Variants in SDK1 observed in about 807,000 individuals in gnomAD.
SDK1 encodes sidekick cell adhesion molecule 1.
In SDK1, 157 loss-of-function variants were observed where a neutral mutation model predicts 245.5. That is an observed-to-expected ratio of 0.64 (90% confidence interval 0.56 to 0.73). SDK1 has a LOEUF of 0.73. SDK1 is among the 30% of genes least tolerant of loss of function. SDK1 has a pLI of 0.00. For missense variants in SDK1, 3,583 were observed against 3,002.3 expected (o/e 1.19, Z -4.52); for synonymous variants, 1,647 against 1,278.5 (o/e 1.29, Z -6.15).
At chr7:3,331,235 G>T (rs1780061320) in intron 1 of SDK1, among the ~76,000 whole-genome samples, 2 of 152,156 alleles carry the variant, frequency 1.3e-5, no homozygotes, top group Admixed American at 6.5e-5. Flanking sequence ...CTGCACTCCA[G>T]TCTGGCAACA....
intron 42 of SDK1, among the ~76,000 whole-genome samples, chr7:4,240,118 T>A (rs1786427098): frequency 6.6e-6 from 1 of 152,232 alleles, no homozygotes; most frequent in South Asian, 2.1e-4. Flanking sequence ...ATGAATGGCG[T>A]GTCATTTTCC....
chr7:4,072,790 G>A (rs954720698), intron 20 of SDK1, among the ~76,000 whole-genome samples: 1 of 152,184 alleles, frequency 6.6e-6, no homozygotes, highest in Admixed American at 6.5e-5. Flanking sequence ...ACGGGCCAGA[G>A]GCGCTGTTGG....
chr7:3,845,615 A>C (rs1044269123), intron 5 of SDK1, among the ~76,000 whole-genome samples: 3 of 151,866 alleles, frequency 2.0e-5, no homozygotes, highest in Admixed American at 2.0e-4. Context: ...GTGCCCTAAA[A>C]GCCACTCTTG....
chr7:3,969,496 G>A, intron 11 of SDK1, 72 bp downstream of exon 11: 1 of 1,242,668 alleles, frequency 8.0e-7, no homozygotes, highest in Non-Finnish European at 1.1e-6. Context: ...TGTGCTTTGG[G>A]GATGTCAGCA....
chr7:3,759,800 C>T (rs1301694798), intron 4 of SDK1, among the ~76,000 whole-genome samples: 2 of 151,942 alleles, frequency 1.3e-5, no homozygotes, highest in East Asian at 1.9e-4. Flanking sequence ...ACCATGTTGG[C>T]CAGGCTGGTC....
chr7:3,981,509 C>T (rs556597624), intron 13 of SDK1, among the ~76,000 whole-genome samples: 32 of 152,256 alleles, frequency 2.1e-4, no homozygotes, highest in African/African-American at 7.5e-4. Flanking sequence ...AAAGCCAAGA[C>T]AAGACAAAAG....
intron 4 of SDK1, among the ~76,000 whole-genome samples, chr7:3,752,214 T>A (rs1779795123): frequency 6.6e-6 from 1 of 152,230 alleles, no homozygotes. Flanking sequence ...TTCACTCTTA[T>A]TAGGGACTGC....
chr7:3,901,970 A>T lies in SDK1; in HGVS notation c.848-48953A>T, dbSNP rs150171379. Among the ~76,000 whole-genome samples the T allele has an allele frequency of 3.5e-3, 533 of 152,020 alleles. 3 individuals carry two copies. Among genetic ancestry groups the T allele is most frequent in the African/African-American group, 0.012 (490 of 41,440 alleles). On this transcript the variant is annotated intron_variant, in intron 5 of 44. Coordinates refer to ENST00000404826, the MANE Select transcript of SDK1 (RefSeq NM_152744.4). ...AGAGTATCTCCTCTATCTTTTCCGG[A>T]TGTTCTCCTCTGTCTTTGAGTGTGT...
intron 1 of SDK1, among the ~76,000 whole-genome samples, chr7:3,600,891 ACTC>A (rs1404709789): frequency 1.3e-5 from 2 of 151,782 alleles, no homozygotes; most frequent in Non-Finnish European, 2.9e-5. Context: ...GATTGACAGA[ACTC>A]CTCTCTATTC....
intron 5 of SDK1, among the ~76,000 whole-genome samples, chr7:3,949,049 C>T (rs1780690301): frequency 6.6e-6 from 1 of 152,206 alleles, no homozygotes; most frequent in African/African-American, 2.4e-5. Context: ...ATCGTGAGTG[C>T]ATCCGGACTC....
At chr7:3,580,600 A>AT (rs1201447412) in intron 1 of SDK1, among the ~76,000 whole-genome samples, 2 of 152,152 alleles carry the variant, frequency 1.3e-5, no homozygotes, top group South Asian at 2.1e-4. Flanking sequence ...TATGCAGGGG[A>AT]TTTTTTTACA....
At chr7:3,393,453 T>A (rs1468203233) in intron 1 of SDK1, among the ~76,000 whole-genome samples, 2 of 152,192 alleles carry the variant, frequency 1.3e-5, no homozygotes, top group Non-Finnish European at 1.5e-5. Flanking sequence ...ATGTTATTTT[T>A]AATTTTCCTT....
rs528123868 is a variant in SDK1, at chr7:3,555,089, T to G, written c.299-63991T>G. Among the ~76,000 whole-genome samples the G allele has an allele frequency of 2.6e-5, 4 of 152,214 alleles. No individual in the cohort carries two copies. The South Asian group carries it at 6.2e-4, about 24-fold the overall frequency. On this transcript the variant is annotated intron_variant, in intron 1 of 44. Coordinates refer to ENST00000404826, the MANE Select transcript of SDK1 (RefSeq NM_152744.4). ...CAGAAATAGAAAAACAATCCTAAAATTTAAATGGAACCACAAAAAGCCAAG... is the reference window on the plus strand; with the variant it reads ...CAGAAATAGAAAAACAATCCTAAAAGTTAAATGGAACCACAAAAAGCCAAG...
intron 28 of SDK1, among the ~76,000 whole-genome samples, chr7:4,139,889 G>A (rs1214303512): frequency 2.0e-5 from 3 of 152,132 alleles, no homozygotes; most frequent in African/African-American, 7.2e-5. Context: ...TCGGGACTCA[G>A]GCAGGGAGAG....
intron 4 of SDK1, among the ~76,000 whole-genome samples, chr7:3,760,878 A>T (rs953859672): frequency 3.9e-5 from 6 of 152,226 alleles, no homozygotes; most frequent in African/African-American, 1.4e-4. Flanking sequence ...TCAACAGTTC[A>T]TTCCTTTTAA....
intron 14 of SDK1, among the ~76,000 whole-genome samples, chr7:4,002,151 T>C (rs1246683506): frequency 2.0e-5 from 3 of 152,248 alleles, no homozygotes; most frequent in Non-Finnish European, 4.4e-5. Context: ...AACGAGTTAT[T>C]ATCTATGCTT....
intron 34 of SDK1, among the ~76,000 whole-genome samples, chr7:4,176,628 C>T (rs1243473062): frequency 2.0e-5 from 3 of 152,194 alleles, no homozygotes; most frequent in African/African-American, 7.2e-5. Context: ...AAACTCTGTC[C>T]CCATTAAATA....
At chr7:3,605,245 A>G (rs1781384280) in intron 1 of SDK1, among the ~76,000 whole-genome samples, 1 of 152,202 alleles carries the variant, frequency 6.6e-6, no homozygotes. Flanking sequence ...AAATAATCCA[A>G]AGGGATATAT....
intron 7 of SDK1, among the ~76,000 whole-genome samples, chr7:3,953,592 G>C (rs1781002327): frequency 6.6e-6 from 1 of 152,130 alleles, no homozygotes; most frequent in South Asian, 2.1e-4. Flanking sequence ...CTAGTAGACA[G>C]GACTATACCG....
Sources: gnomAD v4.1 joint callset for allele counts (sites outside exome capture counted in the v4.1 genomes callset) on GRCh38, gnomAD v4.1.1 for gene constraint, MANE v1.5 for transcripts, NCBI Gene and HGNC (gene_info 2026-07-23, HGNC 2026-07-21) for gene names.